CPLX2: variants seen among roughly 807,000 people sequenced by gnomAD.
CPLX2 encodes complexin-2.
A neutral mutation model predicts 16.3 loss-of-function variants in CPLX2; 5 were observed. That is an observed-to-expected ratio of 0.31 (90% CI 0.16 to 0.64). The LOEUF (loss-of-function observed/expected upper bound fraction) is 0.64, where lower values mean the gene tolerates loss of function less well. Ranked by LOEUF, CPLX2 falls within the 30% of genes least tolerant of loss-of-function variation. The pLI, the probability that CPLX2 is intolerant of heterozygous loss-of-function variation, is 0.79. For synonymous variants in CPLX2, 89 were observed against 73.2 expected (o/e 1.22, Z -1.10); for missense variants, 144 against 181.4 (o/e 0.79, Z 1.18).
chr5:175,813,281 G>T (rs1316878707), intron 2 of CPLX2, among the ~76,000 whole-genome samples: 1 of 152,136 alleles, frequency 6.6e-6, no homozygotes, highest in Non-Finnish European at 1.5e-5. Flanking sequence ...TTTTAAAAAG[G>T]CAAATCAATT....
chr5:175,838,436 T>C (rs1302960756), intron 2 of CPLX2, among the ~76,000 whole-genome samples: 1 of 151,814 alleles, frequency 6.6e-6, no homozygotes, highest in Non-Finnish European at 1.5e-5. Flanking sequence ...CCCGGCTAAT[T>C]TTTTTGTATT....
chr5:175,817,992 T>C (rs1758439278), intron 2 of CPLX2, among the ~76,000 whole-genome samples: 1 of 152,156 alleles, frequency 6.6e-6, no homozygotes, highest in African/African-American at 2.4e-5. Context: ...CTTTCCTTCA[T>C]TCATTCTGCA....
chr5:175,878,492 C>T, intron 1 of CPLX2, 160 bp from the exon 2 acceptor site: 1 of 584,640 alleles, frequency 1.7e-6, no homozygotes, highest in Non-Finnish European at 3.0e-6. Context: ...CAGTAAATCG[C>T]TCTCTTCCAT....
intron 2 of CPLX2, among the ~76,000 whole-genome samples, chr5:175,860,462 A>AAG (rs1011209794): frequency 1.8e-4 from 27 of 149,866 alleles, no homozygotes; most frequent in Non-Finnish European, 3.1e-4. Context: ...GAGAGAAAGA[A>AAG]AGAGAGAGAG....
chr5:175,822,699 T>C (rs1050876861), intron 2 of CPLX2, among the ~76,000 whole-genome samples: 2 of 152,240 alleles, frequency 1.3e-5, no homozygotes, highest in African/African-American at 4.8e-5. Flanking sequence ...CACAGCCATC[T>C]CCTTCCTATC....
At chr5:175,853,032 C>T (rs1759186495) in intron 2 of CPLX2, among the ~76,000 whole-genome samples, 1 of 152,200 alleles carries the variant, frequency 6.6e-6, no homozygotes, top group Non-Finnish European at 1.5e-5. Context: ...AGGGCCCAGG[C>T]CCAACAGCGT....
chr5:175,870,789 T>C (rs1759572417), upstream of CPLX2, among the ~76,000 whole-genome samples: 1 of 152,204 alleles, frequency 6.6e-6, no homozygotes, highest in African/African-American at 2.4e-5. Context: ...TCACAGGATA[T>C]CAGATCTCAA....
chr5:175,863,934 C>A (rs1040022187), intron 2 of CPLX2, among the ~76,000 whole-genome samples: 2 of 152,168 alleles, frequency 1.3e-5, no homozygotes, highest in African/African-American at 4.8e-5. Flanking sequence ...GCTTTAAATT[C>A]TTTTCTTTCT....
chr5:175,800,254 G>GC (rs1486351852), intron 1 of CPLX2, among the ~76,000 whole-genome samples: 1 of 152,188 alleles, frequency 6.6e-6, no homozygotes, highest in African/African-American at 2.4e-5. Flanking sequence ...TTTCAGGGAA[G>GC]CCCCTGCCTA....
intron 1 of CPLX2, among the ~76,000 whole-genome samples, chr5:175,803,126 C>G (rs1758130673): frequency 6.6e-6 from 1 of 152,140 alleles, no homozygotes; most frequent in South Asian, 2.1e-4. Context: ...ACCCAGAGTG[C>G]TCGGCCCAAA....
At chr5:175,804,567 T>C (rs1171862211) in intron 1 of CPLX2, among the ~76,000 whole-genome samples, 1 of 152,216 alleles carries the variant, frequency 6.6e-6, no homozygotes, top group Non-Finnish European at 1.5e-5. Flanking sequence ...GGGTACTGGT[T>C]AAAGTCCTCT....
upstream of CPLX2, among the ~76,000 whole-genome samples, chr5:175,867,214 C>A (rs1759493557): frequency 1.3e-5 from 2 of 152,106 alleles, no homozygotes; most frequent in South Asian, 4.1e-4. Flanking sequence ...ATCTGTGACA[C>A]ATTTTGCCTG....
At chr5:175,875,453 AC>A (rs1251761960) in intron 1 of CPLX2, among the ~76,000 whole-genome samples, 1 of 152,226 alleles carries the variant, frequency 6.6e-6, no homozygotes, top group Non-Finnish European at 1.5e-5. Context: ...ACAACCATTT[AC>A]TGAGCACCCA....
chr5:175,847,465 C>G (rs999065), intron 2 of CPLX2, among the ~76,000 whole-genome samples: 1 of 151,984 alleles, frequency 6.6e-6, no homozygotes, highest in Non-Finnish European at 1.5e-5. Context: ...CCTTCGCTCA[C>G]AGCATGCGTG....
upstream of CPLX2, among the ~76,000 whole-genome samples, chr5:175,869,537 T>C (rs1759541982): frequency 6.6e-6 from 1 of 152,234 alleles, no homozygotes; most frequent in Non-Finnish European, 1.5e-5. Context: ...GCAATAGTAC[T>C]ACTCTTCCGC....
chr5:175,862,228 T>C (rs1431840413), intron 2 of CPLX2, among the ~76,000 whole-genome samples: 1 of 152,180 alleles, frequency 6.6e-6, no homozygotes, highest in Admixed American at 6.5e-5. Flanking sequence ...TCCCTCCTCT[T>C]CAGTGAGTCC....
chr5:175,854,970 A>G (rs755294207), intron 2 of CPLX2, among the ~76,000 whole-genome samples: 2 of 152,214 alleles, frequency 1.3e-5, no homozygotes, highest in Non-Finnish European at 2.9e-5. Context: ...CCCACCCAGC[A>G]GAAGAGATAA....
chr5:175,803,931 G>A lies in CPLX2; in HGVS notation c.-168-5058G>A, dbSNP rs151328092. Reference sequence around the variant, plus strand: ...CCGTGTGGGCGCTGCAGTGCCTTGCGGGCAGCATCCTAATGCCGGGAGGAT... The same window carrying A: ...CCGTGTGGGCGCTGCAGTGCCTTGCAGGCAGCATCCTAATGCCGGGAGGAT... On this transcript the variant is annotated intron_variant, in intron 1 of 4. Coordinates refer to the CPLX2 transcript ENST00000359546. 4.9e-4 allele frequency among the ~76,000 whole-genome samples: 75 copies of A among 152,322 alleles called. 1 individual carries two copies. The highest frequency in any genetic ancestry group is 1.6e-3 in the African/African-American group (66 of 41,574).
rs577184154 is a variant in CPLX2, at chr5:175,842,459, T to C, written c.-89+33391T>C. Among the ~76,000 whole-genome samples the C allele has an allele frequency of 5.3e-5, 8 of 152,324 alleles. No homozygotes were observed. In the South Asian group the frequency reaches 1.0e-3, roughly 20 times the overall value. ...AAGCCTGACTGCAAACCCCACACTC[T>C]TCCCTGATGATCCCAGCTCTCAGCT... On this transcript the variant is annotated intron_variant, in intron 2 of 4. Coordinates refer to the CPLX2 transcript ENST00000359546.
Sources: gnomAD v4.1 joint callset for allele counts (sites outside exome capture counted in the v4.1 genomes callset) on GRCh38, gnomAD v4.1.1 for gene constraint, MANE v1.5 for transcripts, NCBI Gene and HGNC (gene_info 2026-07-23, HGNC 2026-07-21) for gene names.